Variants in UXS1 observed in about 807,000 individuals in gnomAD.
UXS1 encodes the protein UDP-glucuronic acid decarboxylase 1.
In UXS1, 33 loss-of-function variants were observed where a neutral mutation model predicts 62.6. That is an observed-to-expected ratio of 0.53 (90% CI 0.40 to 0.70). The LOEUF (loss-of-function observed/expected upper bound fraction) is 0.70, where lower values mean the gene tolerates loss of function less well. Ranked by LOEUF, UXS1 falls within the 30% of genes least tolerant of loss-of-function variation. The pLI is 0.00. For synonymous variants in UXS1, 213 were observed against 206.8 expected, an observed-to-expected ratio of 1.03 and a Z score of -0.26; for missense variants, 434 against 556.3, an observed-to-expected ratio of 0.78 and a Z score of 2.21.
At chr2:106,150,097 C>T (rs771578773) in intron 5 of UXS1, among the ~76,000 whole-genome samples, 17 of 152,096 alleles carry the variant, frequency 1.1e-4, no homozygotes, top group Non-Finnish European at 2.4e-4. Context: ...ATTTACAAGC[C>T]ATGAGCTAGG....
intron 1 of UXS1, among the ~76,000 whole-genome samples, chr2:106,174,603 G>C (rs770789641): frequency 6.6e-6 from 1 of 152,212 alleles, no homozygotes; most frequent in African/African-American, 2.4e-5. Context: ...ATCAGCCAGA[G>C]GTGCAACCCA....
intron 12 of UXS1, among the ~76,000 whole-genome samples, chr2:106,099,091 T>C (rs908239216): frequency 6.6e-6 from 1 of 152,242 alleles, no homozygotes; most frequent in Admixed American, 6.5e-5. Flanking sequence ...ATAACTTCAA[T>C]GTCACTTTTA....
intron 10 of UXS1, among the ~76,000 whole-genome samples, chr2:106,108,096 T>C (rs1408921801): frequency 1.3e-5 from 2 of 152,218 alleles, no homozygotes; most frequent in African/African-American, 2.4e-5. Context: ...AGTGGCAGCC[T>C]GGAATACTTC....
chr2:106,173,255 C>T (rs1442079333), intron 1 of UXS1, among the ~76,000 whole-genome samples: 1 of 152,154 alleles, frequency 6.6e-6, no homozygotes, highest in Non-Finnish European at 1.5e-5. Flanking sequence ...AATTGCTACT[C>T]TAGGGCAGAA....
chr2:106,172,304 G>C (rs747892118), intron 1 of UXS1, among the ~76,000 whole-genome samples: 8 of 152,190 alleles, frequency 5.3e-5, no homozygotes, highest in Non-Finnish European at 7.3e-5. Flanking sequence ...AGCCACCACT[G>C]GCTAGATGCT....
intron 1 of UXS1, among the ~76,000 whole-genome samples, chr2:106,173,704 C>T (rs1683703594): frequency 6.6e-6 from 1 of 152,226 alleles, no homozygotes; most frequent in Admixed American, 6.5e-5. Context: ...TGGCTGTGCT[C>T]CCACACAACT....
intron 1 of UXS1, among the ~76,000 whole-genome samples, chr2:106,181,489 C>CTT (rs1684241567): frequency 6.6e-6 from 1 of 152,136 alleles, no homozygotes; most frequent in African/African-American, 2.4e-5. Flanking sequence ...GAGGTCAAGA[C>CTT]GGGCAGATCA....
rs1676875353 is a variant in UXS1, at chr2:106,094,057, C to T, written c.1247G>A (p.Arg416Lys). The change falls in exon 15 of 15, where the codon AGA becomes AAA. Residue 416 changes from arginine to lysine, a missense_variant. Arg to Lys is a conservative substitution (Grantham distance 26, BLOSUM62 2). This residue lies in a region of UXS1 where 209 missense variants were observed against 233.3 expected (regional missense o/e 0.90). Transcript: ENST00000283148. ...GTGGCGAGTCCGTCCTTTCTTTATTCTGGCAGGCTTTGGTTTGGGGATGTA... is the reference window on the plus strand; with the variant it reads ...GTGGCGAGTCCGTCCTTTCTTTATTTTGGCAGGCTTTGGTTTGGGGATGTA... ...NQYIPKPKPA[R>K]IKKGRTRHS 1 of 1,612,804 alleles carries T rather than the reference C, an allele frequency of 6.2e-7. No individual in the cohort carries two copies. The highest frequency in any genetic ancestry group is 8.5e-7 in the Non-Finnish European group (1 of 1,179,638).
chr2:106,145,489 C>T (rs139496700), intron 5 of UXS1, 119 bp from the exon 6 acceptor site: 14 of 1,299,000 alleles, frequency 1.1e-5, no homozygotes, highest in South Asian at 4.8e-5. Flanking sequence ...AGGAGCAAGG[C>T]GGGGAAGGAA....
chr2:106,191,603 CCT>C (rs1032774688), intron 1 of UXS1, among the ~76,000 whole-genome samples: 17 of 152,230 alleles, frequency 1.1e-4, no homozygotes, highest in South Asian at 8.3e-4. Context: ...TGCTCTGGCC[CCT>C]GTCTGCCTGG....
chr2:106,098,257 T>G (rs1471290322), intron 13 of UXS1, among the ~76,000 whole-genome samples: 1 of 152,236 alleles, frequency 6.6e-6, no homozygotes, highest in Non-Finnish European at 1.5e-5. Flanking sequence ...AGAGTCCACC[T>G]TGATGGGGTG....
chr2:106,180,857 A>G (rs1364592610), intron 1 of UXS1, among the ~76,000 whole-genome samples: 2 of 152,182 alleles, frequency 1.3e-5, no homozygotes, highest in Non-Finnish European at 2.9e-5. Flanking sequence ...AACTTCGCAA[A>G]TATCAATGAT....
chr2:106,125,803 T>C, intron 7 of UXS1, 124 bp from the exon 8 acceptor site: 2 of 717,554 alleles, frequency 2.8e-6, no homozygotes, highest in East Asian at 6.3e-5. Context: ...TTATCTACCC[T>C]TACTGCGTCT....
chr2:106,105,125 C>T (rs143531153), intron 10 of UXS1, among the ~76,000 whole-genome samples: 1 of 152,164 alleles, frequency 6.6e-6, no homozygotes, highest in Admixed American at 6.5e-5. Context: ...TACGATGTGT[C>T]AGGCATCATG....
At chr2:106,188,199 A>C (rs945553374) in intron 1 of UXS1, among the ~76,000 whole-genome samples, 5 of 151,992 alleles carry the variant, frequency 3.3e-5, no homozygotes, top group Non-Finnish European at 7.4e-5. Flanking sequence ...CTCCTCCCTG[A>C]CTTCTTTTTT....
At chr2:106,145,106 A>G (rs1681456779) in intron 6 of UXS1, 84 bp downstream of exon 6, 16 of 1,473,626 alleles carry the variant, frequency 1.1e-5, no homozygotes, top group Middle Eastern at 1.9e-4. Context: ...TGCTGAGTCA[A>G]ACAGCTTACC....
At chr2:106,172,895 C>G (rs1401258368) in intron 1 of UXS1, among the ~76,000 whole-genome samples, 1 of 152,208 alleles carries the variant, frequency 6.6e-6, no homozygotes, top group Non-Finnish European at 1.5e-5. Context: ...TGCACTTACA[C>G]TTCTCCCAAC....
chr2:106,137,762 C>T (rs962846481), intron 6 of UXS1, among the ~76,000 whole-genome samples: 16 of 151,504 alleles, frequency 1.1e-4, no homozygotes, highest in East Asian at 1.9e-4. Context: ...ACCATTGCAC[C>T]GCAGCATGGA....
chr2:106,166,129 T>C (rs1314316064), intron 1 of UXS1, 46 bp from the exon 2 acceptor site: 1 of 1,576,362 alleles, frequency 6.3e-7, no homozygotes, highest in Non-Finnish European at 8.6e-7. Flanking sequence ...GTCCACAACT[T>C]TCAGGGATTC....
Sources: allele counts gnomAD v4.1 joint callset (sites outside exome capture counted in the v4.1 genomes callset), GRCh38; gene constraint gnomAD v4.1.1; regional missense constraint gnomAD v4.1.1; transcripts MANE v1.5; gene names NCBI Gene and HGNC (gene_info 2026-07-23, HGNC 2026-07-21).